The following GNG2 variants were observed in gnomAD, a reference collection of about 807,000 sequenced individuals.
The protein encoded by GNG2 is G protein subunit gamma 2, also known as guanine nucleotide-binding protein G(I)/G(S)/G(O) subunit gamma-2.
Under a neutral mutation model 5.5 loss-of-function variants are expected in GNG2, and 5 were observed. The observed-to-expected ratio is 0.91, with a 90% CI of 0.48 to 1.92. GNG2 has a LOEUF of 1.92. Ranked by LOEUF, GNG2 falls within the 30% of genes most tolerant of loss-of-function variation. The pLI is 0.01. For missense variants in GNG2, 55 were observed against 88.4 expected (o/e 0.62, Z 1.52); for synonymous variants, 28 against 32.0 (o/e 0.88, Z 0.42).
At chr14:51,865,116 T>C (rs1882788802) in intron 1 of GNG2, among the ~76,000 whole-genome samples, 1 of 152,210 alleles carries the variant, frequency 6.6e-6, no homozygotes, top group African/African-American at 2.4e-5. Context: ...GAAGAGCTCC[T>C]GAATAATTAA....
chr14:51,899,741 T>C (rs1885430825), intron 2 of GNG2, among the ~76,000 whole-genome samples: 1 of 152,248 alleles, frequency 6.6e-6, no homozygotes, highest in Admixed American at 6.5e-5. Context: ...ACTACATACA[T>C]ATAAGTGGAA....
At chr14:51,947,062 T>C (rs1888684623) in intron 2 of GNG2, among the ~76,000 whole-genome samples, 1 of 152,082 alleles carries the variant, frequency 6.6e-6, no homozygotes, top group South Asian at 2.1e-4. Context: ...AAAGCCTAGG[T>C]TTACTTTTTC....
chr14:51,867,595 G>A (rs955098712), intron 1 of GNG2, among the ~76,000 whole-genome samples: 7 of 152,120 alleles, frequency 4.6e-5, no homozygotes, highest in African/African-American at 7.2e-5. Flanking sequence ...GTTTATAGCC[G>A]GTGTCTTAGT....
intron 2 of GNG2, among the ~76,000 whole-genome samples, chr14:51,925,869 A>C (rs1047806181): frequency 3.3e-5 from 5 of 151,678 alleles, no homozygotes; most frequent in African/African-American, 9.7e-5. Flanking sequence ...TGATTCACCA[A>C]CCTCTGCCTC....
intron 2 of GNG2, among the ~76,000 whole-genome samples, chr14:51,834,245 G>A (rs1442971686): frequency 3.3e-5 from 5 of 152,156 alleles, no homozygotes; most frequent in African/African-American, 4.8e-5. Context: ...CGATGCAAAC[G>A]CCTCCTTACC....
intron 2 of GNG2, among the ~76,000 whole-genome samples, chr14:51,929,246 G>C (rs894775796): frequency 2.0e-5 from 3 of 152,228 alleles, no homozygotes; most frequent in Non-Finnish European, 4.4e-5. Context: ...AGTGCTGCTT[G>C]TTGTTTCCTT....
intron 2 of GNG2, among the ~76,000 whole-genome samples, chr14:51,918,222 T>C (rs1886774293): frequency 6.6e-6 from 1 of 152,194 alleles, no homozygotes; most frequent in South Asian, 2.1e-4. Flanking sequence ...TAACAAGCTT[T>C]GACCATGTTA....
Position 51,879,904 on chromosome 14 carries a change from T to A in GNG2, c.-30+2247T>A, listed in dbSNP as rs184467580. 8.5e-5 allele frequency among the ~76,000 whole-genome samples: 13 copies of A among 152,338 alleles called. No homozygotes were observed. In the East Asian group the frequency reaches 2.5e-3, roughly 29 times the overall value. On this transcript the variant is annotated intron_variant, in intron 2 of 3. Transcript: ENST00000556766. Reference sequence around the variant, plus strand: ...AGGACTGAACATATTTGGGGCCTATTATTCTGCCTACTACAAAGTCAAAGA... The same window carrying A: ...AGGACTGAACATATTTGGGGCCTATAATTCTGCCTACTACAAAGTCAAAGA...
rs150708595 is a variant in GNG2, at chr14:51,932,528, G to A, written c.-29-18122G>A. Among the ~76,000 whole-genome samples, 680 of 152,228 alleles carry A rather than the reference G, an allele frequency of 4.5e-3. 4 individuals are homozygous for A. Among genetic ancestry groups the A allele is most frequent in the African/African-American group, 0.014 (585 of 41,552 alleles). ...ACCTGTGGTCCCCGCTACTTGGGAG[G>A]TGGGAGGATCACTTGAGCCCAGTAG... On this transcript the variant is annotated intron_variant, in intron 2 of 3. Coordinates refer to ENST00000556766, the MANE Select transcript of GNG2 (RefSeq NM_053064.5).
At chr14:51,901,807 G>T (rs1034564832) in intron 2 of GNG2, among the ~76,000 whole-genome samples, 1 of 151,996 alleles carries the variant, frequency 6.6e-6, no homozygotes, top group African/African-American at 2.4e-5. Context: ...TAGCATCCAG[G>T]TATATAATAA....
At chr14:51,849,044 T>C (rs970708150) in intron 2 of GNG2, among the ~76,000 whole-genome samples, 55 of 152,282 alleles carry the variant, frequency 3.6e-4, no homozygotes, top group Admixed American at 1.0e-3. Flanking sequence ...TTTCTGTGGG[T>C]CAGGAATTTG....
chr14:51,857,286 G>C (rs1451400174), upstream of GNG2, among the ~76,000 whole-genome samples: 8 of 152,192 alleles, frequency 5.3e-5, no homozygotes, highest in Non-Finnish European at 1.2e-4. Flanking sequence ...ATAGAGGAAG[G>C]GATAGGGCAT....
chr14:51,913,820 A>G (rs1886440351), intron 2 of GNG2, among the ~76,000 whole-genome samples: 1 of 152,238 alleles, frequency 6.6e-6, no homozygotes, highest in Non-Finnish European at 1.5e-5. Context: ...TTAGGATTAA[A>G]GTACTCTATA....
chr14:51,882,189 A>C (rs1041721243), intron 2 of GNG2, among the ~76,000 whole-genome samples: 1 of 152,232 alleles, frequency 6.6e-6, no homozygotes, highest in African/African-American at 2.4e-5. Flanking sequence ...ACTAGTTAGC[A>C]GTGATAGCTG....
At chr14:51,914,495 G>C (rs926686503) in intron 2 of GNG2, among the ~76,000 whole-genome samples, 1 of 152,178 alleles carries the variant, frequency 6.6e-6, no homozygotes, top group Non-Finnish European at 1.5e-5. Flanking sequence ...GTTAAGTCCC[G>C]TGTAGAATTA....
chr14:51,834,338 A>G (rs561801913), intron 2 of GNG2, among the ~76,000 whole-genome samples: 1 of 152,314 alleles, frequency 6.6e-6, no homozygotes, highest in East Asian at 1.9e-4. Context: ...CAGCACTGTG[A>G]TGGCTTCCAT....
intron 2 of GNG2, among the ~76,000 whole-genome samples, chr14:51,829,743 CTCA>C (rs1881130169): frequency 6.6e-6 from 1 of 152,074 alleles, no homozygotes; most frequent in Admixed American, 6.5e-5. Context: ...CAATTCTGCT[CTCA>C]TCAAGACCAC....
chr14:51,940,558 A>G (rs1201286284), intron 2 of GNG2, among the ~76,000 whole-genome samples: 1 of 152,238 alleles, frequency 6.6e-6, no homozygotes, highest in Non-Finnish European at 1.5e-5. Flanking sequence ...AAACCAGGGC[A>G]TCATGACACC....
intron 2 of GNG2, among the ~76,000 whole-genome samples, chr14:51,949,047 G>T (rs1888811527): frequency 6.6e-6 from 1 of 151,758 alleles, no homozygotes; most frequent in Admixed American, 6.6e-5. Context: ...CATGAACCTG[G>T]GTGGTGGAGC....
Sources: gnomAD v4.1 joint callset for allele counts (sites outside exome capture counted in the v4.1 genomes callset) on GRCh38, gnomAD v4.1.1 for gene constraint, MANE v1.5 for transcripts, NCBI Gene and HGNC (gene_info 2026-07-23, HGNC 2026-07-21) for gene names.